OPA1: variants seen among roughly 807,000 people sequenced by gnomAD.
OPA1 encodes OPA1 mitochondrial dynamin like GTPase, also known as dynamin-like GTPase OPA1, mitochondrial.
OPA1 carries 59 observed loss-of-function variants against 152.9 expected under a neutral mutation model. The ratio of observed to expected loss-of-function variants is 0.39; its 90% CI spans 0.31 to 0.48. The LOEUF (loss-of-function observed/expected upper bound fraction) is 0.48. Among genes scored for constraint, OPA1 ranks in the 20% least tolerant of loss-of-function variants. The pLI, the probability that OPA1 is intolerant of heterozygous loss-of-function variation, is 0.96. For synonymous variants in OPA1, 400 were observed against 389.9 expected (o/e 1.03, Z -0.31); for missense variants, 1,008 against 1,216.8 (o/e 0.83, Z 2.55).
In OPA1 at chr3:193,688,449, CTTTTTTTTTTTTTTTTTTTTTTTTTTTTT is replaced by C. The variant is rs766448341; in HGVS notation, c.2984-3595_2984-3567del. On this transcript the variant is annotated intron_variant, in intron 29 of 30. Transcript: ENST00000361510. ...TGATTTTTACTGAAATGGGTCTTTT[CTTTTTTTTTTTTTTTTTTTTTTTTTTTTT>C]TTTTTTTTTTTTTTTTTTGAGACAG... Among the ~76,000 whole-genome samples, 34 of 63,358 alleles carry C rather than the reference CTTTTTTTTTTTTTTTTTTTTTTTTTTTTT, an allele frequency of 5.4e-4. 1 individual carries two copies. The highest frequency in any genetic ancestry group is 2.3e-3 in the East Asian group (4 of 1,750). The allele number at this position is 63,358 out of a possible 152,430, so 41.6% of individuals were successfully genotyped here.
chr3:193,667,738 C>T (rs1283204484), intron 29 of OPA1, among the ~76,000 whole-genome samples: 1 of 150,292 alleles, frequency 6.7e-6, no homozygotes, highest in Non-Finnish European at 1.5e-5. Context: ...GAGTAAGTTG[C>T]TGACCTTAAG....
intron 15 of OPA1, 45 bp from the exon 16 acceptor site, chr3:193,643,930 T>C: frequency 6.2e-7 from 1 of 1,603,096 alleles, no homozygotes; most frequent in South Asian, 1.1e-5. Flanking sequence ...AAAAGTCTAC[T>C]TTACATCTTA....
intron 30 of OPA1, among the ~76,000 whole-genome samples, chr3:193,694,034 TAC>T (rs1436516703): frequency 3.3e-5 from 5 of 152,228 alleles, no homozygotes; most frequent in African/African-American, 1.2e-4. Flanking sequence ...GCCAGTGTTT[TAC>T]ATAATGGTGT....
chr3:193,649,601 TTG>T (rs1238972473), intron 21 of OPA1, among the ~76,000 whole-genome samples: 3 of 152,224 alleles, frequency 2.0e-5, no homozygotes, highest in Admixed American at 2.0e-4. Context: ...CTGCCATTCA[TTG>T]TAAATATTTT....
chr3:193,630,301 T>G (rs1365770632), intron 7 of OPA1, among the ~76,000 whole-genome samples: 1 of 152,226 alleles, frequency 6.6e-6, no homozygotes, highest in Non-Finnish European at 1.5e-5. Context: ...GAAGTTTGCA[T>G]TATCTTTTTT....
chr3:193,663,317 A>G lies in OPA1; in HGVS notation c.2661+355A>G, dbSNP rs2292448. ...ATTTCTGTTTAAAAATGGCATATAT[A>G]TGTGTTTTTGTGTGTGGTTTACAGT... On this transcript the variant is annotated intron_variant, in intron 26 of 30. Transcript: ENST00000361510. Among the ~76,000 whole-genome samples, 1,124 of 152,218 alleles carry G rather than the reference A, an allele frequency of 7.4e-3. 10 individuals carry two copies. Among genetic ancestry groups the G allele is most frequent in the African/African-American group, 0.022 (909 of 41,554 alleles).
In OPA1 at chr3:193,618,938, T is replaced by G. The variant is rs1553872742; in HGVS notation, c.678+2T>G. The G allele has an allele frequency of 1.9e-6, 3 of 1,611,394 alleles. No individual in the cohort carries two copies. Among genetic ancestry groups the G allele is most frequent in the Non-Finnish European group, 2.5e-6 (3 of 1,177,526 alleles). On this transcript the variant is annotated splice_donor_variant, in intron 6 of 30. Transcript: ENST00000361510. LOFTEE classifies it high-confidence loss of function. ...GAAAGTGACAAGCATTTTAGAAAGG[T>G]AAGTGTAAAAGAGAATTGTTCATGT... is the stretch of plus-strand genomic sequence containing the variant.
intron 25 of OPA1, among the ~76,000 whole-genome samples, chr3:193,661,200 G>C (rs1395892223): frequency 1.3e-5 from 2 of 152,190 alleles, no homozygotes; most frequent in Non-Finnish European, 2.9e-5. Context: ...GCCTAGAAGA[G>C]GAATCTGGAA....
chr3:193,667,961 T>G (rs1020926121), intron 29 of OPA1, among the ~76,000 whole-genome samples: 1 of 152,190 alleles, frequency 6.6e-6, no homozygotes, highest in African/African-American at 2.4e-5. Flanking sequence ...AATGGAGACC[T>G]AGAAATTATA....
intron 11 of OPA1, 42 bp from the exon 12 acceptor site, chr3:193,642,723 T>C (rs1195131339): frequency 1.4e-6 from 2 of 1,395,466 alleles, no homozygotes; most frequent in African/African-American, 2.8e-5. Context: ...TTAATATTAC[T>C]TATAAATACA....
intron 15 of OPA1, 121 bp downstream of exon 15, chr3:193,643,748 C>T (rs1264485655): frequency 1.2e-5 from 12 of 971,702 alleles, no homozygotes; most frequent in South Asian, 3.1e-5. Context: ...GCCTTCTCTT[C>T]GTATTCATTT....
At chr3:193,633,896 A>G (rs1732502174) in intron 8 of OPA1, among the ~76,000 whole-genome samples, 1 of 152,188 alleles carries the variant, frequency 6.6e-6, no homozygotes, top group African/African-American at 2.4e-5. Flanking sequence ...ACTAGATATA[A>G]ATGAGTGAGT....
chr3:193,645,612 T>C lies in OPA1; in HGVS notation c.1668T>C (p.Val556=). ...TGAAAGCTTTAGGTTATTTTGCTGT[T>C]GTAACAGGAAAAGGTATGCAAAGAT... The part of the protein sequence containing the change: ...FPMKALGYFA[V]VTGKGNSSES... Residue 556 remains valine (V), a synonymous_variant, in exon 17 of 31, where the codon GTT becomes GTC. Transcript: ENST00000361510. 6.2e-7 allele frequency: 1 copy of C among 1,612,756 alleles called. No homozygotes were observed. Among genetic ancestry groups the C allele is most frequent in the Non-Finnish European group, 8.5e-7 (1 of 1,178,980 alleles).
intron 9 of OPA1, among the ~76,000 whole-genome samples, chr3:193,636,594 AC>A (rs1284952220): frequency 6.6e-6 from 1 of 151,830 alleles, no homozygotes; most frequent in Non-Finnish European, 1.5e-5. Context: ...GAAGCTTGTT[AC>A]ACGCAATGCA....
chr3:193,670,360 T>C (rs1406301332), intron 29 of OPA1, among the ~76,000 whole-genome samples: 1 of 151,998 alleles, frequency 6.6e-6, no homozygotes, highest in Admixed American at 6.6e-5. Flanking sequence ...TTTAAATCAT[T>C]TCCTTACCTT....
intron 1 of OPA1, among the ~76,000 whole-genome samples, chr3:193,606,183 G>A (rs1727238528): frequency 6.6e-6 from 1 of 152,034 alleles, no homozygotes; most frequent in Non-Finnish European, 1.5e-5. Flanking sequence ...ACATCTTGGG[G>A]TAAAGAAATT....
intron 29 of OPA1, among the ~76,000 whole-genome samples, chr3:193,690,399 A>G (rs1003222980): frequency 2.7e-4 from 38 of 142,340 alleles, no homozygotes; most frequent in African/African-American, 9.7e-4. Context: ...AGTGGCACTC[A>G]CCTGTAGTCT....
At chr3:193,623,823 T>G (rs1461220883) in intron 6 of OPA1, among the ~76,000 whole-genome samples, 1 of 152,200 alleles carries the variant, frequency 6.6e-6, no homozygotes, top group Non-Finnish European at 1.5e-5. Context: ...TGGCCTTAGC[T>G]TAGAGGCTGT....
intron 16 of OPA1, among the ~76,000 whole-genome samples, chr3:193,644,398 C>T (rs1035921559): frequency 2.0e-5 from 3 of 152,084 alleles, no homozygotes; most frequent in African/African-American, 2.4e-5. Context: ...AGGTTTTCAT[C>T]GGAGGTTAGT....
Sources: allele counts gnomAD v4.1 joint callset (sites outside exome capture counted in the v4.1 genomes callset), GRCh38; gene constraint gnomAD v4.1.1; transcripts MANE v1.5; gene names NCBI Gene and HGNC (gene_info 2026-07-23, HGNC 2026-07-21).